Variants in HIPK3 observed in about 807,000 individuals in gnomAD.
HIPK3 encodes the protein homeodomain interacting protein kinase 3.
A neutral mutation model predicts 124.2 loss-of-function variants in HIPK3; 47 were observed. That is an observed-to-expected ratio of 0.38 (90% CI 0.30 to 0.48). The LOEUF (loss-of-function observed/expected upper bound fraction) is 0.48. Among genes scored for constraint, HIPK3 ranks in the 20% least tolerant of loss-of-function variants. HIPK3 has a pLI of 0.98. For synonymous variants in HIPK3, 482 were observed against 515.2 expected (o/e 0.94, Z 0.87); for missense variants, 1,286 against 1,454.3 (o/e 0.88, Z 1.88).
chr11:33,258,786 C>T lies in HIPK3; in HGVS notation c.-3+897C>T, dbSNP rs562086438. 3 of 939,398 alleles carry T rather than the reference C, an allele frequency of 3.2e-6. No individual in the cohort carries two copies. The East Asian group carries it at 3.5e-4, about 109-fold the overall frequency. The allele number at this position is 939,398 out of a possible 1,614,324, so 58.2% of individuals were successfully genotyped here. A position where few individuals can be genotyped will look rare whatever the true frequency, so the allele number is the denominator to read the frequency against. On this transcript the variant is annotated intron_variant, in intron 1 of 16. Coordinates refer to ENST00000303296, the MANE Select transcript of HIPK3 (RefSeq NM_005734.5). ...TGCGTAAATTACCTTGGACTTGTTA[C>T]AGAGTAGTCGTAACACGTTCAGGCC...
intron 2 of HIPK3, among the ~76,000 whole-genome samples, chr11:33,318,899 T>A (rs1352921993): frequency 6.6e-6 from 1 of 152,212 alleles, no homozygotes; most frequent in East Asian, 1.9e-4. Context: ...TTCCTGTGTT[T>A]CTTTGAATCA....
intron 1 of HIPK3, chr11:33,258,495 A>T (rs1850733639): frequency 1.0e-6 from 1 of 985,022 alleles, no homozygotes. Context: ...TGGGGAGGAG[A>T]AATGTGATCC....
intron 1 of HIPK3, among the ~76,000 whole-genome samples, chr11:33,258,101 A>C (rs1036855942): frequency 6.6e-6 from 1 of 151,904 alleles, no homozygotes; most frequent in East Asian, 2.0e-4. Flanking sequence ...GTGGCCCGGT[A>C]TGAGCCGCTC....
At chr11:33,329,669 C>T (rs1481123379) in intron 3 of HIPK3, among the ~76,000 whole-genome samples, 1 of 152,128 alleles carries the variant, frequency 6.6e-6, no homozygotes, top group Non-Finnish European at 1.5e-5. Context: ...TATTCTCTAC[C>T]TTCCCTCCTC....
intron 3 of HIPK3, among the ~76,000 whole-genome samples, chr11:33,331,775 G>A (rs1050676487): frequency 3.3e-4 from 50 of 152,146 alleles, no homozygotes; most frequent in Non-Finnish European, 5.9e-4. Context: ...GCTCTTTTAT[G>A]TACTAGGAAC....
chr11:33,283,203 C>A (rs756394279), intron 1 of HIPK3, among the ~76,000 whole-genome samples: 1 of 151,502 alleles, frequency 6.6e-6, no homozygotes, highest in Non-Finnish European at 1.5e-5. Context: ...CTCTACCTCC[C>A]GGGTTCACGC....
chr11:33,275,010 A>G (rs954464757), intron 1 of HIPK3, among the ~76,000 whole-genome samples: 7 of 152,008 alleles, frequency 4.6e-5, no homozygotes, highest in Non-Finnish European at 7.4e-5. Flanking sequence ...TTTACAATGT[A>G]TGGTGGTTGT....
chr11:33,308,613 G>GTT (rs1554965208), intron 2 of HIPK3, among the ~76,000 whole-genome samples: 1 of 147,374 alleles, frequency 6.8e-6, no homozygotes, highest in African/African-American at 2.5e-5. Flanking sequence ...TGTGCCTAGG[G>GTT]GTGTGTGTGT....
chr11:33,257,666 G>GAGCAGCAGCAGC lies in HIPK3; in HGVS notation c.-216_-205dup, dbSNP rs1169498647. On this transcript the variant is annotated 5_prime_UTR_variant, in exon 1 of 17. Coordinates refer to ENST00000303296, the MANE Select transcript of HIPK3 (RefSeq NM_005734.5). ...AGACGGGCCCGGCGCTTAGCAGCCA[G>GAGCAGCAGCAGC]AGCAGCAGCAGCAGCAGCAGCGGTC... is the stretch of plus-strand genomic sequence containing the variant. 7.8e-5 allele frequency: 78 copies of GAGCAGCAGCAGC among 993,978 alleles called. 6 individuals are homozygous for GAGCAGCAGCAGC. In the East Asian group the frequency reaches 3.7e-3, roughly 47 times the overall value. 61.6% of individuals were successfully genotyped at this position (993,978 alleles called of 1,614,324 possible). A position where few individuals can be genotyped will look rare whatever the true frequency, so the allele number is the denominator to read the frequency against.
chr11:33,324,657 A>G (rs968538548), intron 2 of HIPK3, among the ~76,000 whole-genome samples: 2 of 152,132 alleles, frequency 1.3e-5, no homozygotes, highest in African/African-American at 2.4e-5. Flanking sequence ...CCTTCCCACC[A>G]ATGACCAGGC....
rs945267161 is a variant in HIPK3 at position 33,341,810 on chromosome 11, G to T, written c.1897+124G>T. The T allele has an allele frequency of 4.8e-5, 42 of 867,632 alleles. No individual in the cohort carries two copies. The African/African-American group carries it at 6.0e-4, about 12-fold the overall frequency. 53.7% of individuals were successfully genotyped at this position (867,632 alleles called of 1,614,324 possible). A position where few individuals can be genotyped will look rare whatever the true frequency, so the allele number is the denominator to read the frequency against. ...CATTTAGTGCTACATTTGAATTTAA[G>T]CTGTTCAGGCCAAGTGTGGTGTTTC... On this transcript the variant is annotated intron_variant, in intron 8 of 16. Transcript: ENST00000303296.
intron 2 of HIPK3, among the ~76,000 whole-genome samples, chr11:33,309,677 A>G (rs1227426961): frequency 6.6e-6 from 1 of 152,226 alleles, no homozygotes; most frequent in Non-Finnish European, 1.5e-5. Context: ...CCTGGATTCT[A>G]CAGTTAACAT....
chr11:33,352,552 C>T (rs1007644674), intron 16 of HIPK3, among the ~76,000 whole-genome samples: 1 of 152,040 alleles, frequency 6.6e-6, no homozygotes, highest in Admixed American at 6.6e-5. Context: ...GAATACTTTC[C>T]ATCTTATTCA....
chr11:33,329,279 T>C (rs577282290), intron 3 of HIPK3, among the ~76,000 whole-genome samples: 1 of 152,324 alleles, frequency 6.6e-6, no homozygotes, highest in Non-Finnish European at 1.5e-5. Context: ...TGCCATCTTA[T>C]TTATTATTCT....
intron 15 of HIPK3, 66 bp downstream of exon 15, chr11:33,351,909 G>C (rs1396822900): frequency 7.6e-7 from 1 of 1,324,474 alleles, no homozygotes; most frequent in Non-Finnish European, 1.1e-6. Context: ...GAAAATCTGA[G>C]AATGCAGTTG....
At chr11:33,331,605 C>G (rs1345605486) in intron 3 of HIPK3, among the ~76,000 whole-genome samples, 1 of 152,108 alleles carries the variant, frequency 6.6e-6, no homozygotes, top group African/African-American at 2.4e-5. Flanking sequence ...TCTCAAAGTC[C>G]TGGGCTTAAG....
chr11:33,283,000 G>T (rs1486498656), intron 1 of HIPK3, among the ~76,000 whole-genome samples: 1 of 151,930 alleles, frequency 6.6e-6, no homozygotes, highest in Non-Finnish European at 1.5e-5. Context: ...TTTTCAGTGT[G>T]TTTTTTCTTC....
At position 33,325,972 on chromosome 11, in the gene HIPK3, AGAATCTCCCCGT is replaced by A. The variant is rs558085903; in HGVS notation, c.1098-2536_1098-2525del. Among the ~76,000 whole-genome samples the A allele has an allele frequency of 2.8e-3, 423 of 152,328 alleles. 2 individuals are homozygous for A. The highest frequency in any genetic ancestry group is 9.7e-3 in the African/African-American group (404 of 41,580). On this transcript the variant is annotated intron_variant, in intron 2 of 16. Transcript: ENST00000303296. The stretch of plus-strand genomic sequence containing the variant: ...GTTTTGAAGATCTTTTATACCTCAT[AGAATCTCCCCGT>A]GGCTCTTGTTTTCAACAAATGCCTG...
At chr11:33,303,530 A>G (rs766382378) in intron 2 of HIPK3, among the ~76,000 whole-genome samples, 1 of 152,170 alleles carries the variant, frequency 6.6e-6, no homozygotes, top group Non-Finnish European at 1.5e-5. Flanking sequence ...CTTGTGCTAT[A>G]TATGTAGCTT....
Sources: gnomAD v4.1 joint callset for allele counts (sites outside exome capture counted in the v4.1 genomes callset) on GRCh38, gnomAD v4.1.1 for gene constraint, MANE v1.5 for transcripts, NCBI Gene and HGNC (gene_info 2026-07-23, HGNC 2026-07-21) for gene names.